MBD2: variants seen among roughly 807,000 people sequenced by gnomAD.
MBD2 encodes methyl-CpG binding domain protein 2.
A neutral mutation model predicts 39.3 loss-of-function variants in MBD2; 9 were observed. That is an observed-to-expected ratio of 0.23 (90% CI 0.14 to 0.40). The LOEUF (loss-of-function observed/expected upper bound fraction) is 0.40. Among genes scored for constraint, MBD2 ranks in the 10% least tolerant of loss-of-function variants. The pLI is 1.00. For missense variants in MBD2, 458 were observed against 532.6 expected (o/e 0.86, Z 1.38); for synonymous variants, 233 against 211.1 (o/e 1.10, Z -0.90).
At position 54,151,938 on chromosome 18, in the gene MBD2, G is replaced by A. The variant is rs2086024338; in HGVS notation, c.*3386C>T. 1 of 151,498 alleles carries A rather than the reference G, an allele frequency of 6.6e-6. No homozygotes were observed. The highest frequency in any genetic ancestry group is 6.6e-5 in the Admixed American group (1 of 15,194). 9.4% of individuals were successfully genotyped at this position (151,498 alleles called of 1,614,324 possible). A position where few individuals can be genotyped will look rare whatever the true frequency, so the allele number is the denominator to read the frequency against. ...ACTGCATGACTCTTGTTCATTCACA[G>A]ATTCATTCAACAAATATTTAATGAC... On this transcript the variant is annotated 3_prime_UTR_variant, in exon 7 of 7. Coordinates refer to ENST00000256429, the MANE Select transcript of MBD2 (RefSeq NM_003927.5).
At chr18:54,169,806 T>C (rs1483008152) in intron 3 of MBD2, among the ~76,000 whole-genome samples, 1 of 152,200 alleles carries the variant, frequency 6.6e-6, no homozygotes, top group Admixed American at 6.5e-5. Flanking sequence ...GGAACAGTGA[T>C]TTAATATTTG....
Position 54,180,157 on chromosome 18 carries a change from T to C in MBD2, c.840+8717A>G, listed in dbSNP as rs895162962. 2.0e-5 allele frequency among the ~76,000 whole-genome samples: 3 copies of C among 152,048 alleles called. No individual in the cohort carries two copies. The East Asian group carries it at 5.8e-4, about 29-fold the overall frequency. On this transcript the variant is annotated intron_variant, in intron 3 of 6. Coordinates refer to ENST00000256429, the MANE Select transcript of MBD2 (RefSeq NM_003927.5). ...CAAATATCTAAGAATCAATTAAAGA[T>C]ATATAAGATCACTAGACTGAAAACT...
chr18:54,158,189 T>C (rs2086067855), intron 6 of MBD2, among the ~76,000 whole-genome samples: 1 of 150,888 alleles, frequency 6.6e-6, no homozygotes, highest in African/African-American at 2.4e-5. Context: ...CACCCACACA[T>C]TCCCCCCACC....
intron 2 of MBD2, among the ~76,000 whole-genome samples, chr18:54,201,963 G>T (rs149344681): frequency 6.6e-6 from 1 of 151,830 alleles, no homozygotes; most frequent in Non-Finnish European, 1.5e-5. Flanking sequence ...ATCATAGCTT[G>T]TAATTACTTA....
intron 1 of MBD2, among the ~76,000 whole-genome samples, chr18:54,222,112 A>C (rs1355715761): frequency 1.3e-5 from 2 of 152,248 alleles, no homozygotes; most frequent in African/African-American, 4.8e-5. Flanking sequence ...AGACATCAGC[A>C]CATAGTTCAC....
At chr18:54,215,063 T>C (rs1034207422) in intron 1 of MBD2, among the ~76,000 whole-genome samples, 2 of 152,086 alleles carry the variant, frequency 1.3e-5, no homozygotes, top group Non-Finnish European at 2.9e-5. Context: ...ATTCTTACAC[T>C]AGATTTATAG....
Position 54,224,551 on chromosome 18 carries a change from C to G in MBD2, c.9G>C (p.Ala3=). The G allele has an allele frequency of 8.2e-7, 1 of 1,226,468 alleles. No individual in the cohort carries two copies. Among genetic ancestry groups the G allele is most frequent in the Non-Finnish European group, 1.0e-6 (1 of 984,014 alleles). The allele number at this position is 1,226,468 out of a possible 1,614,324, so 76.0% of individuals were successfully genotyped here. The change falls in exon 1 of 7, where the codon GCG becomes GCC. Residue 3 remains alanine, a synonymous_variant. Transcript: ENST00000256429. MR[A]HPGGGRCCPE... ...GGCAGCAGCGGCCTCCCCCCGGGTGCGCGCGCATCCAGCCCCCTCCCCAGC... is the reference window on the plus strand; with the variant it reads ...GGCAGCAGCGGCCTCCCCCCGGGTGGGCGCGCATCCAGCCCCCTCCCCAGC...
intron 4 of MBD2, among the ~76,000 whole-genome samples, chr18:54,165,262 A>G (rs528331832): frequency 2.9e-4 from 44 of 152,320 alleles, no homozygotes; most frequent in African/African-American, 1.0e-3. Flanking sequence ...AGCTTTTTTC[A>G]TAAACCTAAC....
Position 54,153,345 on chromosome 18 carries a change from A to G in MBD2, c.*1979T>C, listed in dbSNP as rs1228583556. The stretch of plus-strand genomic sequence containing the variant: ...GTGGGGACCAGGTGATGAAGTTTTG[A>G]ACATGTTGTCTTGTGGGTATATTGG... On this transcript the variant is annotated 3_prime_UTR_variant, in exon 7 of 7. Coordinates refer to ENST00000256429, the MANE Select transcript of MBD2 (RefSeq NM_003927.5). 6.6e-6 allele frequency: 1 copy of G among 152,156 alleles called. No individual in the cohort carries two copies. 9.4% of individuals were successfully genotyped at this position (152,156 alleles called of 1,614,324 possible).
chr18:54,164,825 C>A (rs1599076089), intron 4 of MBD2, 125 bp from the exon 5 acceptor site: 1 of 661,242 alleles, frequency 1.5e-6, no homozygotes, highest in East Asian at 2.7e-5. Context: ...TGACATAAGA[C>A]AAAGCAGCAA....
chr18:54,184,710 T>G (rs2086272937), intron 3 of MBD2, among the ~76,000 whole-genome samples: 1 of 152,248 alleles, frequency 6.6e-6, no homozygotes. Flanking sequence ...ATATGTTTCA[T>G]GCCTGTTCTA....
chr18:54,213,087 G>T (rs1335304597), intron 1 of MBD2, among the ~76,000 whole-genome samples: 4 of 96,910 alleles, frequency 4.1e-5, no homozygotes, highest in African/African-American at 1.2e-4. Flanking sequence ...TATGGGGGCG[G>T]GGGGGGGGAT....
chr18:54,179,596 AAT>A (rs1468066675), intron 3 of MBD2, among the ~76,000 whole-genome samples: 1 of 152,214 alleles, frequency 6.6e-6, no homozygotes, highest in African/African-American at 2.4e-5. Flanking sequence ...TAAACCAATC[AAT>A]ATGATACACT....
chr18:54,195,708 T>C (rs1378133701), intron 2 of MBD2, among the ~76,000 whole-genome samples: 1 of 151,816 alleles, frequency 6.6e-6, no homozygotes. Context: ...CCATATATAG[T>C]CATAAAAAAA....
chr18:54,218,656 A>T (rs1399611861), intron 1 of MBD2, among the ~76,000 whole-genome samples: 1 of 152,194 alleles, frequency 6.6e-6, no homozygotes, highest in Non-Finnish European at 1.5e-5. Context: ...CCTGTTTCAT[A>T]GGGTTATAAG....
chr18:54,216,172 T>C (rs1299240385), intron 1 of MBD2, among the ~76,000 whole-genome samples: 1 of 152,046 alleles, frequency 6.6e-6, no homozygotes, highest in African/African-American at 2.4e-5. Flanking sequence ...AAACCAAAAG[T>C]CCTATAAATC....
chr18:54,219,374 C>T (rs189323982), intron 1 of MBD2, among the ~76,000 whole-genome samples: 22 of 152,236 alleles, frequency 1.4e-4, no homozygotes, highest in African/African-American at 4.3e-4. Flanking sequence ...TTTTACAAAA[C>T]GTTAGGTGGA....
At chr18:54,221,735 C>T (rs970901344) in intron 1 of MBD2, among the ~76,000 whole-genome samples, 4 of 152,172 alleles carry the variant, frequency 2.6e-5, no homozygotes, top group African/African-American at 9.7e-5. Flanking sequence ...CACCACTGCA[C>T]TCCAGCCTGG....
intron 1 of MBD2, among the ~76,000 whole-genome samples, chr18:54,219,832 G>A (rs550142055): frequency 1.8e-4 from 28 of 152,272 alleles, no homozygotes; most frequent in South Asian, 2.1e-4. Context: ...ACTGTGTCTC[G>A]CTCTGTCGCC....
Sources: gnomAD v4.1 joint callset for allele counts (sites outside exome capture counted in the v4.1 genomes callset) on GRCh38, gnomAD v4.1.1 for gene constraint, MANE v1.5 for transcripts, NCBI Gene and HGNC (gene_info 2026-07-23, HGNC 2026-07-21) for gene names.